DNAH9: variants seen among roughly 807,000 people sequenced by gnomAD.
DNAH9 encodes dynein axonemal heavy chain 9.
In DNAH9, 345 loss-of-function variants were observed where a neutral mutation model predicts 471.6. The ratio of observed to expected loss-of-function variants is 0.73; its 90% confidence interval spans 0.67 to 0.80. The LOEUF (loss-of-function observed/expected upper bound fraction) is 0.80. Ranked by LOEUF, DNAH9 falls within the 30% of genes least tolerant of loss-of-function variation. DNAH9 has a pLI of 0.00. For synonymous variants in DNAH9, 2,093 were observed against 2,123.6 expected (o/e 0.99, Z 0.40); for missense variants, 5,407 against 5,609.2 (o/e 0.96, Z 1.15).
chr17:11,853,862 T>G, intron 49 of DNAH9, 141 bp from the exon 50 acceptor site: 28 of 754,300 alleles, frequency 3.7e-5, no homozygotes, highest in Non-Finnish European at 5.3e-5. Flanking sequence ...TGATGAGTCA[T>G]GATATTTAAA....
rs1407777305 is a variant in DNAH9 at position 11,704,359 on chromosome 17, A to C, written c.5308A>C (p.Lys1770Gln). 6.2e-6 allele frequency: 10 copies of C among 1,614,058 alleles called. No individual in the cohort carries two copies. The highest frequency in any genetic ancestry group is 8.5e-6 in the Non-Finnish European group (10 of 1,180,024). The change falls in exon 25 of 69, where the codon AAG (lysine) becomes CAG (glutamine). Residue 1770 changes from lysine (K) to glutamine (Q), a missense_variant. Physicochemically the swap from Lys to Gln is moderately conservative, Grantham distance 53. Coordinates refer to ENST00000262442, the MANE Select transcript of DNAH9 (RefSeq NM_001372.4). Reference sequence around the variant, plus strand: ...CACCATGCTGATTGGCCAGCTCTCCAAGGGAGACCGGCAGAAGATTATGAC... The same window carrying C: ...CACCATGCTGATTGGCCAGCTCTCCCAGGGAGACCGGCAGAAGATTATGAC... ...LITMLIGQLSKGDRQKIMTIC... is the reference protein window; with the variant it reads ...LITMLIGQLSQGDRQKIMTIC...
chr17:11,962,145 G>A lies in DNAH9; in HGVS notation c.13122G>A (p.Met4374Ile), dbSNP rs1990236. The A allele has an allele frequency of 0.18, 293,998 of 1,613,930 alleles. 27,520 individuals are homozygous for A. Among genetic ancestry groups the A allele is most frequent in the Admixed American group, 0.25 (15,300 of 60,002 alleles). ...ARKNEWPLDQ[M>I]ALQCDMTKKN... is the part of the protein sequence containing the mutation. ...AGAATGAGTGGCCACTGGACCAGAT[G>A]GCCCTGCAATGTGACATGACGAAGA... Residue 4374 changes from methionine to isoleucine, a missense_variant, in exon 68 of 69, where the codon ATG becomes ATA. Physicochemically the swap from Met to Ile is conservative, Grantham distance 10. Coordinates refer to ENST00000262442, the MANE Select transcript of DNAH9 (RefSeq NM_001372.4). The surrounding 1 kb of genome is among the most constrained non-coding windows in gnomAD (Gnocchi z 4.1).
chr17:11,830,943 C>A (rs1223325013), intron 48 of DNAH9, among the ~76,000 whole-genome samples: 2 of 151,924 alleles, frequency 1.3e-5, no homozygotes, highest in East Asian at 3.9e-4. Context: ...GGAGAGTTCT[C>A]CAAAGGAAAC....
At chr17:11,653,638 A>C (rs1293861957) in intron 14 of DNAH9, among the ~76,000 whole-genome samples, 1 of 152,206 alleles carries the variant, frequency 6.6e-6, no homozygotes, top group Non-Finnish European at 1.5e-5. Context: ...ACTCCTGTGG[A>C]AAGTCACAAG....
chr17:11,887,041 CTTA>C, intron 57 of DNAH9, 76 bp downstream of exon 57: 3 of 1,508,750 alleles, frequency 2.0e-6, no homozygotes, highest in Non-Finnish European at 1.8e-6. Context: ...TCTGTGAGAG[CTTA>C]TCCATGTAAG....
chr17:11,681,409 C>T (rs2074130539), intron 19 of DNAH9, among the ~76,000 whole-genome samples: 1 of 152,198 alleles, frequency 6.6e-6, no homozygotes, highest in African/African-American at 2.4e-5. Context: ...CTAGGATCAG[C>T]AACACCATTC....
chr17:11,731,397 C>CT (rs554155627), intron 28 of DNAH9, among the ~76,000 whole-genome samples: 120,243 of 147,936 alleles, frequency 0.81, 50,377 homozygotes, highest in East Asian at 0.92. Flanking sequence ...CAGGTCTTCT[C>CT]TTTTTTTTTT....
chr17:11,945,453 C>T (rs1373080235), intron 67 of DNAH9, among the ~76,000 whole-genome samples: 6 of 150,730 alleles, frequency 4.0e-5, no homozygotes, highest in African/African-American at 1.5e-4. Context: ...AGGAGAATCG[C>T]TTTAACCTGG....
chr17:11,617,465 T>C lies in DNAH9; in HGVS notation c.959T>C (p.Leu320Pro), dbSNP rs1478924758. ...HVHLIPLQRHLEALENAEFPE... is the reference protein window; with the variant it reads ...HVHLIPLQRHPEALENAEFPE... The stretch of plus-strand genomic sequence containing the variant: ...CACCTGATACCGCTCCAGCGCCACC[T>C]GGAAGCTCTGGAGAATGCAGAATTT... The change falls in exon 5 of 69, where the codon CTG (leucine) becomes CCG (proline). Residue 320 changes from leucine to proline, a missense_variant. Coordinates refer to ENST00000262442, the MANE Select transcript of DNAH9 (RefSeq NM_001372.4). 2 of 1,614,046 alleles carry C rather than the reference T, an allele frequency of 1.2e-6. No homozygotes were observed. Among genetic ancestry groups the C allele is most frequent in the Non-Finnish European group, 8.5e-7 (1 of 1,180,010 alleles).
intron 32 of DNAH9, among the ~76,000 whole-genome samples, chr17:11,750,722 TA>T (rs956598187): frequency 2.0e-5 from 3 of 151,910 alleles, no homozygotes; most frequent in Non-Finnish European, 4.4e-5. Context: ...TAGGATGCAA[TA>T]AAAAAAATAC....
At chr17:11,756,101 C>T (rs1402156265) in intron 33 of DNAH9, among the ~76,000 whole-genome samples, 2 of 152,048 alleles carry the variant, frequency 1.3e-5, no homozygotes, top group Non-Finnish European at 2.9e-5. Context: ...CACAGCGAAA[C>T]CCCGTCTCTA....
chr17:11,612,060 C>A, intron 4 of DNAH9: 1 of 591,158 alleles, frequency 1.7e-6, no homozygotes, highest in Non-Finnish European at 3.0e-6. Flanking sequence ...CTTCTGCCTA[C>A]TTTTCTAGGT....
At chr17:11,640,220 G>C (rs199800551) in intron 9 of DNAH9, 50 bp from the exon 10 acceptor site, 1 of 1,150,038 alleles carries the variant, frequency 8.7e-7, no homozygotes, top group African/African-American at 1.5e-5. Context: ...CGAGCGGAGA[G>C]GACTGAGGTG....
intron 38 of DNAH9, among the ~76,000 whole-genome samples, chr17:11,778,338 AAAAAAAAAAAAAAAAAAAAAAAAAG>A (rs1446142761): frequency 4.2e-5 from 5 of 118,398 alleles, no homozygotes; most frequent in Admixed American, 8.0e-5. Flanking sequence ...TCAAAAAAAA[AAAAAAAAAAAAAAAAAAAAAAAAAG>A]AAAAGGGAAG....
rs944940013 is a variant in DNAH9, at chr17:11,969,620, C to T, written c.*93C>T. ...GAAGGGTCACCACAGACACTTAGAA[C>T]GGTAAGAAACCATGAGCACTCACAA... On this transcript the variant is annotated 3_prime_UTR_variant, in exon 69 of 69. Transcript: ENST00000262442. 36 of 1,021,838 alleles carry T rather than the reference C, an allele frequency of 3.5e-5. No individual in the cohort carries two copies. The highest frequency in any genetic ancestry group is 2.3e-4 in the African/African-American group (14 of 61,476). 63.3% of individuals were successfully genotyped at this position (1,021,838 alleles called of 1,614,324 possible).
At chr17:11,738,541 C>T (rs907108875) in intron 28 of DNAH9, among the ~76,000 whole-genome samples, 3 of 152,130 alleles carry the variant, frequency 2.0e-5, no homozygotes, top group African/African-American at 4.8e-5. Context: ...CCACCATACC[C>T]GGCTGATTTT....
intron 50 of DNAH9, 59 bp from the exon 51 acceptor site, chr17:11,869,075 A>C: frequency 6.3e-7 from 1 of 1,587,476 alleles, no homozygotes; most frequent in South Asian, 1.2e-5. Context: ...TCATCTAATG[A>C]GCACTGGTAG....
intron 17 of DNAH9, among the ~76,000 whole-genome samples, chr17:11,674,742 TTAAA>T (rs146515115): frequency 0.15 from 22,074 of 152,054 alleles, 1,686 homozygotes; most frequent in Middle Eastern, 0.19. Context: ...TTTTGTCTTG[TTAAA>T]TAAATCCATT....
rs1162739798 is a variant in DNAH9, at chr17:11,646,904, ACT to A, written c.1971-165_1971-164del. 3.3e-5 allele frequency among the ~76,000 whole-genome samples: 5 copies of A among 152,040 alleles called. No homozygotes were observed. The East Asian group carries it at 9.7e-4, about 29-fold the overall frequency. ...CTCCAGCATGGGCAACAAGAGCGAAACTCTGTCTCAAAAAGAAAGAAAGAAAT... is the reference window on the plus strand; with the variant it reads ...CTCCAGCATGGGCAACAAGAGCGAAACTGTCTCAAAAAGAAAGAAAGAAAT... On this transcript the variant is annotated intron_variant, in intron 11 of 68. Transcript: ENST00000262442.
Sources: gnomAD v4.1 joint callset for allele counts (sites outside exome capture counted in the v4.1 genomes callset) on GRCh38, gnomAD v4.1.1 for gene constraint, Gnocchi (gnomAD v3.1) non-coding constraint, MANE v1.5 for transcripts, NCBI Gene and HGNC (gene_info 2026-07-23, HGNC 2026-07-21) for gene names.